ZFHX3: variants seen among roughly 807,000 people sequenced by gnomAD.
ZFHX3 encodes the protein zinc finger homeobox protein 3.
In ZFHX3, 42 loss-of-function variants were observed where a neutral mutation model predicts 279.1. The ratio of observed to expected loss-of-function variants is 0.15; its 90% CI spans 0.12 to 0.19. The LOEUF (loss-of-function observed/expected upper bound fraction) is 0.19. Among genes scored for constraint, ZFHX3 ranks in the 10% least tolerant of loss-of-function variants. The probability of loss-of-function intolerance (pLI) is 1.00; values close to 1 mark genes in which losing one functional copy is unlikely to be tolerated. For synonymous variants in ZFHX3, 2,293 were observed against 1,957.8 expected (o/e 1.17, Z -4.52); for missense variants, 4,981 against 4,754.0 (o/e 1.05, Z -1.40).
At chr16:72,870,904 CT>C (rs2038145418) in intron 4 of ZFHX3, among the ~76,000 whole-genome samples, 1 of 151,966 alleles carries the variant, frequency 6.6e-6, no homozygotes, top group Admixed American at 6.6e-5. Flanking sequence ...TGTAAAATAT[CT>C]TTGTTCTTAG....
At chr16:73,356,601 C>T (rs77783963) in intron 3 of ZFHX3, among the ~76,000 whole-genome samples, 51 of 152,060 alleles carry the variant, frequency 3.4e-4, no homozygotes, top group African/African-American at 8.9e-4. Context: ...ACAAGCTGAG[C>T]GACCTTGGAC....
chr16:73,268,336 T>A (rs2014038871), intron 4 of ZFHX3, among the ~76,000 whole-genome samples: 1 of 152,222 alleles, frequency 6.6e-6, no homozygotes, highest in Non-Finnish European at 1.5e-5. Context: ...AAACTCTATA[T>A]GAATCTGAAG....
At chr16:73,810,712 G>A (rs1244876062) in intron 1 of ZFHX3, among the ~76,000 whole-genome samples, 2 of 152,042 alleles carry the variant, frequency 1.3e-5, no homozygotes, top group Non-Finnish European at 2.9e-5. Flanking sequence ...AAAAATGGAA[G>A]AGCTTGAACT....
At chr16:73,564,579 C>T (rs887531473) in intron 2 of ZFHX3, among the ~76,000 whole-genome samples, 1 of 152,290 alleles carries the variant, frequency 6.6e-6, no homozygotes, top group Middle Eastern at 3.4e-3. Flanking sequence ...TGCATCCCTA[C>T]CCCAGCCAGA....
At chr16:73,241,790 C>CAAAAAAAAAAAAAAAAAA (rs60214410) in intron 5 of ZFHX3, among the ~76,000 whole-genome samples, 5 of 51,282 alleles carry the variant, frequency 9.8e-5, no homozygotes, top group South Asian at 1.1e-3. Context: ...AACTCCGTCT[C>CAAAAAAAAAAAAAAAAAA]AAAAAAAAAA....
At position 72,795,049 on chromosome 16, in the gene ZFHX3, A is replaced by C; in HGVS notation, c.7633T>G (p.Trp2545Gly). 2 of 1,614,208 alleles carry C rather than the reference A, an allele frequency of 1.2e-6. No individual in the cohort carries two copies. The highest frequency in any genetic ancestry group is 1.1e-5 in the South Asian group (1 of 91,084). ...AAGTGGAGCTGCTGATGCTCCTGCC[A>C]GTGCTCAAATGACGGAAATGCCAAC... ...CKLAFPSFEHWQEHQQLHFLS... is the reference protein window; with the variant it reads ...CKLAFPSFEHGQEHQQLHFLS... Residue 2545 changes from tryptophan to glycine, a missense_variant, in exon 9 of 10, where the codon TGG (tryptophan) becomes GGG (glycine). Trp to Gly is a radical substitution (Grantham distance 184). Transcript: ENST00000268489.
chr16:73,557,241 C>T (rs879483167), intron 2 of ZFHX3, among the ~76,000 whole-genome samples: 21 of 151,596 alleles, frequency 1.4e-4, no homozygotes, highest in Non-Finnish European at 3.1e-4. Flanking sequence ...TTGCCTGGTA[C>T]AATCAAAGAA....
At chr16:73,089,796 G>A (rs1410447232) in intron 8 of ZFHX3, among the ~76,000 whole-genome samples, 1 of 152,216 alleles carries the variant, frequency 6.6e-6, no homozygotes, top group Non-Finnish European at 1.5e-5. Context: ...TGACTGGCAA[G>A]ATTTGAAGAT....
At chr16:73,789,667 G>A (rs1959763780) in intron 1 of ZFHX3, among the ~76,000 whole-genome samples, 1 of 152,112 alleles carries the variant, frequency 6.6e-6, no homozygotes, top group African/African-American at 2.4e-5. Context: ...TCACAGCAGA[G>A]GGGCAGATAT....
intron 2 of ZFHX3, among the ~76,000 whole-genome samples, chr16:73,569,590 A>G (rs1419444805): frequency 2.0e-5 from 3 of 152,128 alleles, no homozygotes; most frequent in African/African-American, 7.2e-5. Context: ...CTGCAGACTG[A>G]GCTAAATGAA....
At position 73,586,389 on chromosome 16, in the gene ZFHX3, AAAACAAACAAACAAACAAAC is replaced by A. The variant is rs145424169; in HGVS notation, c.-1547+93771_-1547+93790del. Among the ~76,000 whole-genome samples, 11 of 146,768 alleles carry A rather than the reference AAAACAAACAAACAAACAAAC, an allele frequency of 7.5e-5. No individual in the cohort carries two copies. In the East Asian group the frequency reaches 1.4e-3, roughly 19 times the overall value. ...GGGTGACACAGCAAGACTCTATCTC[AAAACAAACAAACAAACAAAC>A]AAACAAACAAACAAACAAAAAAACA... On this transcript the variant is annotated intron_variant, in intron 2 of 17. Transcript: ENST00000641206.
intron 3 of ZFHX3, among the ~76,000 whole-genome samples, chr16:72,915,978 C>G (rs1030085371): frequency 5.3e-5 from 8 of 152,094 alleles, no homozygotes; most frequent in African/African-American, 1.9e-4. Flanking sequence ...TCACTTCAGC[C>G]AGAAAACATA....
At chr16:73,515,876 C>A (rs1199515503) in intron 2 of ZFHX3, among the ~76,000 whole-genome samples, 1 of 152,206 alleles carries the variant, frequency 6.6e-6, no homozygotes, top group Non-Finnish European at 1.5e-5. Context: ...CTCAGTCAAA[C>A]AAGCCCATCT....
intron 1 of ZFHX3, among the ~76,000 whole-genome samples, chr16:73,849,374 G>A (rs1281383463): frequency 6.6e-6 from 1 of 152,126 alleles, no homozygotes; most frequent in East Asian, 1.9e-4. Context: ...CCCCTGTTGT[G>A]ATTTTTCTTT....
At chr16:73,410,889 A>G (rs7189175) in intron 3 of ZFHX3, among the ~76,000 whole-genome samples, 133,061 of 152,306 alleles carry the variant, frequency 0.87, 58,281 homozygotes, top group African/African-American at 0.92. Flanking sequence ...ACACAGACTC[A>G]AAGTAACTTG....
chr16:73,605,906 A>T (rs1975998), intron 2 of ZFHX3, among the ~76,000 whole-genome samples: 1 of 151,780 alleles, frequency 6.6e-6, no homozygotes, highest in Non-Finnish European at 1.5e-5. Context: ...ATGCTGGGGC[A>T]GGGCACAGTG....
intron 4 of ZFHX3, among the ~76,000 whole-genome samples, chr16:73,317,135 G>A (rs768024662): frequency 1.3e-5 from 2 of 152,038 alleles, no homozygotes; most frequent in Non-Finnish European, 2.9e-5. Context: ...ATTCTTAAGA[G>A]GGGGGTGGGT....
intron 2 of ZFHX3, among the ~76,000 whole-genome samples, chr16:73,650,995 G>C (rs908856535): frequency 6.6e-6 from 1 of 152,048 alleles, no homozygotes; most frequent in Non-Finnish European, 1.5e-5. Flanking sequence ...AGACACTTAC[G>C]ATTATCAAGG....
Position 72,795,291 on chromosome 16 carries a change from G to T in ZFHX3, c.7391C>A (p.Thr2464Asn), listed in dbSNP as rs2143414365. Residue 2464 changes from threonine (T) to asparagine (N), a missense_variant, in exon 9 of 10, where the codon ACC becomes AAC. This residue lies in a region of ZFHX3 where 744 missense variants were observed against 701.3 expected (regional missense o/e 1.06). Coordinates refer to ENST00000268489, the MANE Select transcript of ZFHX3 (RefSeq NM_006885.4). ...GGGGAGCTTCTGCTGGGGAGTGTTG[G>T]TCTTCTGCTCGGGCTGCTCTTGCTG... ...LQQQEQPEQKTNTPQQKLPQL... is the reference protein window; with the variant it reads ...LQQQEQPEQKNNTPQQKLPQL... 1 of 1,613,892 alleles carries T rather than the reference G, an allele frequency of 6.2e-7. No homozygotes were observed. The highest frequency in any genetic ancestry group is 2.2e-5 in the East Asian group (1 of 44,852).
Sources: gnomAD v4.1 joint callset for allele counts (sites outside exome capture counted in the v4.1 genomes callset) on GRCh38, gnomAD v4.1.1 for gene constraint, gnomAD v4.1.1 regional missense constraint, MANE v1.5 for transcripts, NCBI Gene and HGNC (gene_info 2026-07-23, HGNC 2026-07-21) for gene names.